CCDC30: variants seen among roughly 807,000 people sequenced by gnomAD.
CCDC30 encodes coiled-coil domain-containing protein 30.
A neutral mutation model predicts 100.2 loss-of-function variants in CCDC30; 70 were observed. The ratio of observed to expected loss-of-function variants is 0.70; its 90% CI spans 0.58 to 0.85. The LOEUF (loss-of-function observed/expected upper bound fraction) is 0.85. CCDC30 is among the 40% of genes least tolerant of loss of function. The pLI is 0.00. For missense variants in CCDC30, 652 were observed against 771.2 expected, an observed-to-expected ratio of 0.85 and a Z score of 1.83; for synonymous variants, 233 against 269.5, an observed-to-expected ratio of 0.86 and a Z score of 1.33.
At chr1:42,614,136 A>G (rs1412405840) in intron 11 of CCDC30, among the ~76,000 whole-genome samples, 1 of 147,770 alleles carries the variant, frequency 6.8e-6, no homozygotes, top group Admixed American at 6.8e-5. Flanking sequence ...GATAGAGTGC[A>G]GTGGCCGGAT....
chr1:42,494,363 G>A (rs1644195527), intron 4 of CCDC30, among the ~76,000 whole-genome samples: 1 of 152,064 alleles, frequency 6.6e-6, no homozygotes, highest in South Asian at 2.1e-4. Flanking sequence ...TTCAAGATGG[G>A]TTAAAGACTT....
chr1:42,653,357 A>G lies in CCDC30; in HGVS notation c.1855-19A>G, dbSNP rs762460464. 2 of 1,520,062 alleles carry G rather than the reference A, an allele frequency of 1.3e-6. No individual in the cohort carries two copies. Among genetic ancestry groups the G allele is most frequent in the African/African-American group, 2.7e-5 (2 of 72,930 alleles). 94.2% of individuals were successfully genotyped at this position (1,520,062 alleles called of 1,614,324 possible). On this transcript the variant is annotated intron_variant, in intron 15 of 16. Transcript: ENST00000668663. Reference sequence around the variant, plus strand: ...TTTATCATTATAACTTTTCACATTCATCCTTTCTTTCCTTTTAGGAAACAA... The same window carrying G: ...TTTATCATTATAACTTTTCACATTCGTCCTTTCTTTCCTTTTAGGAAACAA...
intron 1 of CCDC30, among the ~76,000 whole-genome samples, chr1:42,477,063 G>A (rs1643891204): frequency 6.7e-6 from 1 of 150,212 alleles, no homozygotes; most frequent in East Asian, 1.9e-4. Context: ...TGCATTTTAA[G>A]AGTTTTCTTT....
intron 15 of CCDC30, among the ~76,000 whole-genome samples, chr1:42,646,918 T>G (rs774953401): frequency 2.0e-5 from 3 of 151,962 alleles, no homozygotes; most frequent in Non-Finnish European, 4.4e-5. Context: ...GCCAACATGG[T>G]GAAACCCCAT....
chr1:42,504,787 C>T (rs1644371394), intron 6 of CCDC30, among the ~76,000 whole-genome samples: 1 of 152,088 alleles, frequency 6.6e-6, no homozygotes, highest in Admixed American at 6.5e-5. Context: ...CCTAAACATC[C>T]CTCTTTTTAA....
intron 12 of CCDC30, among the ~76,000 whole-genome samples, chr1:42,638,442 C>CT (rs11436758): frequency 0.2 from 30,444 of 151,616 alleles, 3,786 homozygotes; most frequent in Non-Finnish European, 0.27. Flanking sequence ...TGCAGTCCTC[C>CT]TTTTTTTGCC....
intron 2 of CCDC30, 44 bp from the exon 3 acceptor site, chr1:42,482,619 T>A (rs1043756615): frequency 2.7e-5 from 31 of 1,145,250 alleles, no homozygotes; most frequent in Non-Finnish European, 3.4e-5. Flanking sequence ...GTCATGAGAG[T>A]ACATTTGCTC....
chr1:42,560,301 T>C (rs986262395), intron 6 of CCDC30, among the ~76,000 whole-genome samples: 6 of 151,080 alleles, frequency 4.0e-5, no homozygotes, highest in African/African-American at 1.5e-4. Context: ...CAAAGAAGAG[T>C]TGAAGGAGAT....
intron 6 of CCDC30, among the ~76,000 whole-genome samples, chr1:42,531,427 CAACTT>C (rs1644804825): frequency 6.6e-6 from 1 of 152,094 alleles, no homozygotes; most frequent in African/African-American, 2.4e-5. Flanking sequence ...CTTCATATGT[CAACTT>C]GACTGAGGTT....
At chr1:42,520,857 CA>C (rs1644630602) in intron 6 of CCDC30, among the ~76,000 whole-genome samples, 1 of 151,262 alleles carries the variant, frequency 6.6e-6, no homozygotes, top group Non-Finnish European at 1.5e-5. Context: ...CTGTATTAGC[CA>C]GGATGGTCTT....
chr1:42,509,488 C>T (rs1291418913), intron 6 of CCDC30, among the ~76,000 whole-genome samples: 1 of 152,126 alleles, frequency 6.6e-6, no homozygotes, highest in Non-Finnish European at 1.5e-5. Context: ...GAGACCCCCA[C>T]CCAGGAACTG....
At chr1:42,466,563 T>G (rs925139108) in intron 1 of CCDC30, among the ~76,000 whole-genome samples, 38 of 152,052 alleles carry the variant, frequency 2.5e-4, no homozygotes, top group East Asian at 3.9e-4. Context: ...TTTTGTTTTT[T>G]TTTTTTGAGA....
rs1646312399 is a variant in CCDC30 at position 42,597,507 on chromosome 1, G to A, written c.1164+8024G>A. On this transcript the variant is annotated intron_variant, in intron 10 of 16. Coordinates refer to ENST00000668663, the Ensembl canonical transcript of CCDC30. ...ACCATGAAAGCAAGAGAAGAGTGGA[G>A]TGAAATATTTAAAGTGTTGAGGCCG... Among the ~76,000 whole-genome samples the A allele has an allele frequency of 2.0e-5, 3 of 152,286 alleles. No individual in the cohort carries two copies. The South Asian group carries it at 6.2e-4, about 32-fold the overall frequency.
intron 9 of CCDC30, 79 bp from the exon 14 acceptor site, chr1:42,589,242 T>C (rs1646136093): frequency 8.4e-7 from 1 of 1,196,806 alleles, no homozygotes; most frequent in African/African-American, 1.5e-5. Flanking sequence ...AAAAAATCCC[T>C]TGTGATGCCA....
chr1:42,607,317 G>C (rs1377007237), intron 10 of CCDC30, among the ~76,000 whole-genome samples: 1 of 152,074 alleles, frequency 6.6e-6, no homozygotes, highest in Non-Finnish European at 1.5e-5. Context: ...GCTTTAAAAA[G>C]GGTGGTTTGT....
chr1:42,642,224 TAAAC>T (rs375784158), intron 12 of CCDC30, among the ~76,000 whole-genome samples: 14 of 150,296 alleles, frequency 9.3e-5, no homozygotes, highest in Non-Finnish European at 1.8e-4. Context: ...AGTTCTGTCT[TAAAC>T]AAACAAACAA....
chr1:42,650,490 A>AATAT (rs111457240), intron 15 of CCDC30, among the ~76,000 whole-genome samples: 34 of 130,084 alleles, frequency 2.6e-4, no homozygotes, highest in Non-Finnish European at 1.2e-4. Flanking sequence ...TGTCTAAAAA[A>AATAT]ATATATATGT....
At chr1:42,597,885 C>A (rs2148619857) in intron 10 of CCDC30, among the ~76,000 whole-genome samples, 1 of 151,648 alleles carries the variant, frequency 6.6e-6, no homozygotes, top group South Asian at 2.1e-4. Context: ...TCGCCAGGCA[C>A]AGTGGCTCAC....
chr1:42,554,651 G>A (rs1645331284), intron 6 of CCDC30, among the ~76,000 whole-genome samples: 1 of 152,178 alleles, frequency 6.6e-6, no homozygotes, highest in African/African-American at 2.4e-5. Context: ...GAAGCATGCT[G>A]TGCTAGGTTT....
Sources: gnomAD v4.1 joint callset for allele counts (sites outside exome capture counted in the v4.1 genomes callset) on GRCh38, gnomAD v4.1.1 for gene constraint, MANE v1.5 for transcripts, NCBI Gene and HGNC (gene_info 2026-07-23, HGNC 2026-07-21) for gene names.